The following TMEM108 variants were observed in gnomAD, a reference collection of about 807,000 sequenced individuals.
The protein encoded by TMEM108 is cancer/testis antigen 124.
A neutral mutation model predicts 35.1 loss-of-function variants in TMEM108; 12 were observed. The ratio of observed to expected loss-of-function variants is 0.34; its 90% CI spans 0.22 to 0.55. The LOEUF (loss-of-function observed/expected upper bound fraction) is 0.55, where lower values mean the gene tolerates loss of function less well. Ranked by LOEUF, TMEM108 falls within the 20% of genes least tolerant of loss-of-function variation. The probability of loss-of-function intolerance (pLI) is 0.89; values close to 1 mark genes in which losing one functional copy is unlikely to be tolerated. For synonymous variants in TMEM108, 287 were observed against 308.6 expected (o/e 0.93, Z 0.73); for missense variants, 680 against 753.3 (o/e 0.90, Z 1.14).
chr3:133,105,630 C>T (rs2030442), intron 2 of TMEM108, among the ~76,000 whole-genome samples: 32,835 of 151,854 alleles, frequency 0.22, 4,279 homozygotes, highest in Non-Finnish European at 0.3. Context: ...TATGTGTGTG[C>T]GTGCACATGT....
chr3:133,351,458 TAG>T (rs1018493412), intron 3 of TMEM108, among the ~76,000 whole-genome samples: 2 of 152,094 alleles, frequency 1.3e-5, no homozygotes, highest in Non-Finnish European at 2.9e-5. Flanking sequence ...GTTGAGGCCA[TAG>T]AGACTGTGGA....
At chr3:133,167,536 C>T (rs9877504) in intron 2 of TMEM108, among the ~76,000 whole-genome samples, 26,096 of 152,240 alleles carry the variant, frequency 0.17, 2,352 homozygotes, top group Middle Eastern at 0.27. Flanking sequence ...AGCCCTGCCC[C>T]GCGGGGAGGC....
At chr3:133,299,818 A>G (rs1002546990) in intron 3 of TMEM108, among the ~76,000 whole-genome samples, 3 of 152,160 alleles carry the variant, frequency 2.0e-5, no homozygotes, top group Non-Finnish European at 4.4e-5. Context: ...AGTTTTAACA[A>G]TCATACATCT....
At chr3:133,209,526 C>T (rs1945806005) in intron 2 of TMEM108, among the ~76,000 whole-genome samples, 1 of 152,076 alleles carries the variant, frequency 6.6e-6, no homozygotes, top group Non-Finnish European at 1.5e-5. Flanking sequence ...AGCCCCAGCC[C>T]CTCCTATTAG....
intron 3 of TMEM108, among the ~76,000 whole-genome samples, chr3:133,318,596 C>T (rs1305170883): frequency 6.6e-6 from 1 of 152,156 alleles, no homozygotes; most frequent in African/African-American, 2.4e-5. Context: ...CTCTAAAAAT[C>T]TCTCCCAGAT....
chr3:133,078,219 CAT>C (rs1224913331), intron 2 of TMEM108, among the ~76,000 whole-genome samples: 1 of 149,488 alleles, frequency 6.7e-6, no homozygotes, highest in Non-Finnish European at 1.5e-5. Context: ...TAGTGACTCA[CAT>C]ATGTGCTCCT....
At chr3:133,204,185 C>G (rs942482359) in intron 2 of TMEM108, among the ~76,000 whole-genome samples, 4 of 151,540 alleles carry the variant, frequency 2.6e-5, no homozygotes, top group African/African-American at 9.7e-5. Context: ...ATTATGCTCT[C>G]TTTTCTTTTT....
chr3:133,039,498 A>T (rs1331039791), intron 1 of TMEM108, among the ~76,000 whole-genome samples: 1 of 152,182 alleles, frequency 6.6e-6, no homozygotes, highest in Admixed American at 6.5e-5. Flanking sequence ...CCTTTAAATC[A>T]TACTTTAAAA....
At chr3:133,316,935 ACTGTGGGTGGGAGAAAATTCCCT>A (rs2071206986) in intron 3 of TMEM108, among the ~76,000 whole-genome samples, 1 of 152,216 alleles carries the variant, frequency 6.6e-6, no homozygotes, top group Non-Finnish European at 1.5e-5. Context: ...GGGAAGTCAA[ACTGTGGGTGGGAGAAAATTCCCT>A]CTGTAAGTAA....
chr3:133,118,323 A>C (rs1348697968), intron 2 of TMEM108, among the ~76,000 whole-genome samples: 1 of 152,136 alleles, frequency 6.6e-6, no homozygotes, highest in Non-Finnish European at 1.5e-5. Context: ...ACCTAAACTG[A>C]TATTAATAGT....
intron 3 of TMEM108, among the ~76,000 whole-genome samples, chr3:133,255,920 C>T (rs35147454): frequency 0.13 from 20,428 of 152,088 alleles, 1,469 homozygotes; most frequent in South Asian, 0.22. Flanking sequence ...ACCTAGAAGG[C>T]GGAGCTTGCA....
At chr3:133,132,171 A>G (rs1445984678) in intron 2 of TMEM108, among the ~76,000 whole-genome samples, 1 of 152,246 alleles carries the variant, frequency 6.6e-6, no homozygotes, top group Non-Finnish European at 1.5e-5. Context: ...GTTATCTAGA[A>G]GATCTAGCTA....
chr3:133,206,918 A>C (rs1945763727), intron 2 of TMEM108, among the ~76,000 whole-genome samples: 1 of 152,172 alleles, frequency 6.6e-6, no homozygotes, highest in Admixed American at 6.5e-5. Flanking sequence ...CCCTTCCCCC[A>C]GGTGCTGTAT....
At chr3:133,071,012 TG>T (rs2107689417) in intron 2 of TMEM108, among the ~76,000 whole-genome samples, 1 of 152,282 alleles carries the variant, frequency 6.6e-6, no homozygotes, top group East Asian at 1.9e-4. Flanking sequence ...CAGGAATTTT[TG>T]TTTGTCCCCT....
In TMEM108 at chr3:133,066,954, A is replaced by G. The variant is rs564825432; in HGVS notation, c.-47+20934A>G. On this transcript the variant is annotated intron_variant, in intron 2 of 5. Transcript: ENST00000321871. ...TCTGTGATCTTTGCTTCTTGTGCTC[A>G]GCACTGAGATTCACCCATGTTGAAA... Among the ~76,000 whole-genome samples, 3 of 152,322 alleles carry G rather than the reference A, an allele frequency of 2.0e-5. No homozygotes were observed. In the Middle Eastern group the frequency reaches 0.01, roughly 518 times the overall value.
intron 2 of TMEM108, among the ~76,000 whole-genome samples, chr3:133,067,948 C>T (rs1943631082): frequency 6.6e-6 from 1 of 151,948 alleles, no homozygotes; most frequent in South Asian, 2.1e-4. Flanking sequence ...ATGGTTCCAG[C>T]ATCTGGTGTG....
rs147027028 is a variant in TMEM108, at chr3:133,165,833, A to C, written c.-46-63433A>C. ...TGGTCCTAACACATGTGTATTAGAC[A>C]AAATGCATGTAACATACACCTATGT... On this transcript the variant is annotated intron_variant, in intron 2 of 5. Coordinates refer to ENST00000321871, the MANE Select transcript of TMEM108 (RefSeq NM_023943.4). Among the ~76,000 whole-genome samples, 880 of 152,360 alleles carry C rather than the reference A, an allele frequency of 5.8e-3. 12 individuals carry two copies. Among genetic ancestry groups the C allele is most frequent in the African/African-American group, 0.019 (800 of 41,578 alleles).
intron 3 of TMEM108, among the ~76,000 whole-genome samples, chr3:133,239,042 G>A (rs902837195): frequency 3.3e-5 from 5 of 152,106 alleles, no homozygotes; most frequent in East Asian, 1.9e-4. Flanking sequence ...TTAAGACTGC[G>A]TGAGTTCAAG....
At chr3:133,064,020 CAT>C (rs1943566664) in intron 2 of TMEM108, among the ~76,000 whole-genome samples, 1 of 152,196 alleles carries the variant, frequency 6.6e-6, no homozygotes, top group South Asian at 2.1e-4. Flanking sequence ...ATCCTTCATT[CAT>C]TTATTGCTTC....
Sources: gnomAD v4.1 joint callset for allele counts (sites outside exome capture counted in the v4.1 genomes callset) on GRCh38, gnomAD v4.1.1 for gene constraint, MANE v1.5 for transcripts, NCBI Gene and HGNC (gene_info 2026-07-23, HGNC 2026-07-21) for gene names.